The following PHTF2 variants were observed in gnomAD, a reference collection of about 807,000 sequenced individuals.
PHTF2 encodes the protein putative homeodomain transcription factor 2.
In PHTF2, 60 loss-of-function variants were observed where a neutral mutation model predicts 101.2. The ratio of observed to expected loss-of-function variants is 0.59; its 90% CI spans 0.48 to 0.73. The LOEUF is 0.73. Ranked by LOEUF, PHTF2 falls within the 30% of genes least tolerant of loss-of-function variation. The probability of loss-of-function intolerance (pLI) is 0.00; values close to 1 mark genes in which losing one functional copy is unlikely to be tolerated. For synonymous variants in PHTF2, 311 were observed against 307.3 expected, an observed-to-expected ratio of 1.01 and a Z score of -0.13; for missense variants, 747 against 908.7, an observed-to-expected ratio of 0.82 and a Z score of 2.29.
intron 3 of PHTF2, among the ~76,000 whole-genome samples, chr7:77,858,695 T>C (rs1241258550): frequency 1.3e-5 from 2 of 151,780 alleles, no homozygotes; most frequent in Non-Finnish European, 2.9e-5. Context: ...CAGATACATA[T>C]GTGTTGATTT....
chr7:77,912,022 G>T (rs1209901407), intron 9 of PHTF2, among the ~76,000 whole-genome samples: 1 of 152,138 alleles, frequency 6.6e-6, no homozygotes, highest in Non-Finnish European at 1.5e-5. Context: ...TCATTCTTTT[G>T]TTTTGGTTGT....
chr7:77,923,766 G>A, intron 11 of PHTF2: 1 of 984,244 alleles, frequency 1.0e-6, no homozygotes, highest in Non-Finnish European at 1.2e-6. Flanking sequence ...GGAGACGGAG[G>A]GCTGTTTGAC....
At chr7:77,908,591 G>C (rs191102572) in intron 7 of PHTF2, among the ~76,000 whole-genome samples, 2 of 152,080 alleles carry the variant, frequency 1.3e-5, no homozygotes, top group Non-Finnish European at 2.9e-5. Context: ...GTCTTGTTCC[G>C]AGAGTTTATT....
At chr7:77,941,411 G>C (rs1429700631) in intron 15 of PHTF2, among the ~76,000 whole-genome samples, 1 of 152,174 alleles carries the variant, frequency 6.6e-6, no homozygotes, top group African/African-American at 2.4e-5. Context: ...GGATGAATCT[G>C]ATCGCTTGAA....
At chr7:77,936,668 C>T (rs1048302792) in intron 12 of PHTF2, among the ~76,000 whole-genome samples, 2 of 146,940 alleles carry the variant, frequency 1.4e-5, no homozygotes, top group East Asian at 2.0e-4. Flanking sequence ...AGCAAGACTC[C>T]GTCTCAAAAA....
chr7:77,804,447 T>G (rs1486471392), intron 1 of PHTF2, among the ~76,000 whole-genome samples: 1 of 152,230 alleles, frequency 6.6e-6, no homozygotes, highest in African/African-American at 2.4e-5. Context: ...TGCCTCAGCC[T>G]TGCGAGTAGC....
At chr7:77,831,746 C>G (rs958670858) in intron 1 of PHTF2, among the ~76,000 whole-genome samples, 5 of 152,178 alleles carry the variant, frequency 3.3e-5, no homozygotes, top group Non-Finnish European at 7.3e-5. Flanking sequence ...TTTCTGGTTT[C>G]ACTACTTGGG....
At chr7:77,904,007 T>C (rs1801630612) in intron 7 of PHTF2, among the ~76,000 whole-genome samples, 1 of 152,232 alleles carries the variant, frequency 6.6e-6, no homozygotes. Context: ...CTGCATGTCT[T>C]GGTTGCCTAG....
chr7:77,954,702 T>A (rs1806881447), intron 19 of PHTF2, among the ~76,000 whole-genome samples, 156 bp from the exon 19 acceptor site: 1 of 149,102 alleles, frequency 6.7e-6, no homozygotes, highest in Non-Finnish European at 1.5e-5. Flanking sequence ...TGTTTGTGTT[T>A]AAGGTGAGTT....
At chr7:77,903,337 A>G (rs990939678) in intron 7 of PHTF2, among the ~76,000 whole-genome samples, 3 of 152,172 alleles carry the variant, frequency 2.0e-5, no homozygotes, top group Non-Finnish European at 4.4e-5. Flanking sequence ...GTTATCTTCA[A>G]AGGTTTTCTG....
intron 2 of PHTF2, among the ~76,000 whole-genome samples, chr7:77,844,840 A>G (rs1796152880): frequency 6.6e-6 from 1 of 152,208 alleles, no homozygotes; most frequent in Admixed American, 6.5e-5. Flanking sequence ...AAATTATTCT[A>G]TGCATGGTTT....
chr7:77,877,321 G>C (rs1156437460), intron 3 of PHTF2, among the ~76,000 whole-genome samples: 1 of 151,912 alleles, frequency 6.6e-6, no homozygotes. Flanking sequence ...GGTCAGGCTG[G>C]TCTCGAACTC....
chr7:77,881,607 A>G (rs1183337279), intron 3 of PHTF2, among the ~76,000 whole-genome samples: 2 of 151,986 alleles, frequency 1.3e-5, no homozygotes, highest in African/African-American at 4.8e-5. Flanking sequence ...CTAGACTCAA[A>G]TAATCTGCTC....
At chr7:77,866,837 G>A (rs1426936023) in intron 3 of PHTF2, among the ~76,000 whole-genome samples, 1 of 152,130 alleles carries the variant, frequency 6.6e-6, no homozygotes, top group Non-Finnish European at 1.5e-5. Context: ...CTGTAGCCTT[G>A]ATTTATATTT....
At chr7:77,825,460 A>T (rs1474011866) in intron 1 of PHTF2, among the ~76,000 whole-genome samples, 1 of 152,220 alleles carries the variant, frequency 6.6e-6, no homozygotes, top group Non-Finnish European at 1.5e-5. Context: ...GGCAACAAGC[A>T]CTGGCATTTT....
intron 12 of PHTF2, among the ~76,000 whole-genome samples, chr7:77,931,617 G>A (rs1040264927): frequency 7.2e-5 from 11 of 152,140 alleles, no homozygotes; most frequent in African/African-American, 1.7e-4. Context: ...TAATACTGAT[G>A]TTTGTTTGTA....
chr7:77,836,897 A>G (rs891669920), intron 1 of PHTF2, among the ~76,000 whole-genome samples: 3 of 151,288 alleles, frequency 2.0e-5, no homozygotes, highest in African/African-American at 7.3e-5. Flanking sequence ...GCAAACCACC[A>G]TTGCACGTGT....
rs58290945 is a variant in PHTF2 at position 77,925,495 on chromosome 7, G to GTTTTTTT, written c.1119+2742_1119+2748dup. On this transcript the variant is annotated intron_variant, in intron 11 of 19. Transcript: ENST00000416283. ...GCAATTATAGGCAATAGTTTTTAGGGTTTTTTTTTTTTTTTTTTTTTTTTT... is the reference window on the plus strand; with the variant it reads ...GCAATTATAGGCAATAGTTTTTAGGGTTTTTTTTTTTTTTTTTTTTTTTTTTTTTTTT... 6.4e-4 allele frequency among the ~76,000 whole-genome samples: 47 copies of GTTTTTTT among 73,166 alleles called. 1 individual carries two copies. The highest frequency in any genetic ancestry group is 8.1e-4 in the Non-Finnish European group (34 of 42,036). 48.0% of individuals were successfully genotyped at this position (73,166 alleles called of 152,430 possible).
intron 1 of PHTF2, among the ~76,000 whole-genome samples, chr7:77,820,540 G>A (rs1481666882): frequency 6.6e-6 from 1 of 151,810 alleles, no homozygotes; most frequent in Non-Finnish European, 1.5e-5. Context: ...GCGTGTGTGT[G>A]TGTTTGTGTA....
Sources: allele counts gnomAD v4.1 joint callset (sites outside exome capture counted in the v4.1 genomes callset), GRCh38; gene constraint gnomAD v4.1.1; transcripts MANE v1.5; gene names NCBI Gene and HGNC (gene_info 2026-07-23, HGNC 2026-07-21).